The following IVNS1ABP variants were observed in gnomAD, a reference collection of about 807,000 sequenced individuals.
IVNS1ABP encodes influenza virus NS1A-binding protein.
In IVNS1ABP, 25 loss-of-function variants were observed where a neutral mutation model predicts 78.9. The observed-to-expected ratio is 0.32, with a 90% CI of 0.23 to 0.44. The LOEUF is 0.44. IVNS1ABP is among the 20% of genes least tolerant of loss of function. The pLI is 1.00. For synonymous variants in IVNS1ABP, 241 were observed against 259.7 expected, an observed-to-expected ratio of 0.93 and a Z score of 0.69; for missense variants, 494 against 768.9, an observed-to-expected ratio of 0.64 and a Z score of 4.23.
chr1:185,315,641 A>T (rs1317348140), intron 1 of IVNS1ABP, among the ~76,000 whole-genome samples: 2 of 152,230 alleles, frequency 1.3e-5, no homozygotes, highest in African/African-American at 4.8e-5. Context: ...GACTTAACAA[A>T]TACAACTACT....
At chr1:185,313,149 G>A (rs143467073) in intron 1 of IVNS1ABP, among the ~76,000 whole-genome samples, 1,972 of 152,232 alleles carry the variant, frequency 0.013, 61 homozygotes, top group Admixed American at 0.068. Flanking sequence ...GAAAAAAATG[G>A]TTAAAATTAC....
chr1:185,307,279 G>T, intron 6 of IVNS1ABP, 140 bp from the exon 7 acceptor site: 1 of 1,169,450 alleles, frequency 8.6e-7, no homozygotes, highest in Admixed American at 2.8e-5. Flanking sequence ...CCAGGAATTT[G>T]TAAGGAACCA....
chr1:185,303,837 A>T (rs967685999), intron 8 of IVNS1ABP, among the ~76,000 whole-genome samples: 1 of 152,130 alleles, frequency 6.6e-6, no homozygotes, highest in Non-Finnish European at 1.5e-5. Context: ...CAGTTGGGAT[A>T]TTCCAGCCCA....
intron 2 of IVNS1ABP, among the ~76,000 whole-genome samples, chr1:185,310,541 T>G (rs1665858743): frequency 6.6e-6 from 1 of 151,954 alleles, no homozygotes; most frequent in South Asian, 2.1e-4. Flanking sequence ...AGGCAAAGGT[T>G]GCAGTCAGCT....
chr1:185,310,887 A>C (rs1454426839), intron 2 of IVNS1ABP, among the ~76,000 whole-genome samples: 2 of 152,186 alleles, frequency 1.3e-5, no homozygotes, highest in Admixed American at 1.3e-4. Flanking sequence ...AAGGAAAAAA[A>C]AAAAGGCAGT....
Position 185,303,425 on chromosome 1 carries a change from A to G in IVNS1ABP, c.766-1862T>C, listed in dbSNP as rs777392918. ...TTCTTATTGTCCTCTGACTTTTCTAATGGCTTCTTCTCAACCTCCTTTTTC... is the reference window on the plus strand; with the variant it reads ...TTCTTATTGTCCTCTGACTTTTCTAGTGGCTTCTTCTCAACCTCCTTTTTC... On this transcript the variant is annotated intron_variant, in intron 8 of 14. Coordinates refer to ENST00000367498, the MANE Select transcript of IVNS1ABP (RefSeq NM_006469.5). 3.7e-4 allele frequency among the ~76,000 whole-genome samples: 57 copies of G among 152,080 alleles called. 1 individual carries two copies. The Middle Eastern group carries it at 0.01, about 27-fold the overall frequency.
At chr1:185,315,696 A>C (rs531843787) in intron 1 of IVNS1ABP, among the ~76,000 whole-genome samples, 123 of 152,348 alleles carry the variant, frequency 8.1e-4, no homozygotes, top group African/African-American at 2.8e-3. Flanking sequence ...CTTTAGCCTA[A>C]AAGTAATCAT....
At position 185,316,961 on chromosome 1, in the gene IVNS1ABP, T is replaced by A. The variant is rs1460066554; in HGVS notation, c.-255A>T. 9 of 398,414 alleles carry A rather than the reference T, an allele frequency of 2.3e-5. No homozygotes were observed. In the Admixed American group the frequency reaches 4.0e-4, roughly 18 times the overall value. 24.7% of individuals were successfully genotyped at this position (398,414 alleles called of 1,614,324 possible). On this transcript the variant is annotated 5_prime_UTR_variant, in exon 1 of 15. It removes an upstream start codon present in the reference 5' UTR. Transcript: ENST00000367498. ...GAACCAGCGCGTATTACCTGGTTCA[T>A]CTCTGAAGAGATGGAAACATTCATT...
intron 1 of IVNS1ABP, among the ~76,000 whole-genome samples, chr1:185,316,581 A>G (rs1290951318): frequency 6.6e-6 from 1 of 152,168 alleles, no homozygotes; most frequent in East Asian, 1.9e-4. Context: ...CCGGCGGGTC[A>G]TCCCCGCCCG....
intron 7 of IVNS1ABP, chr1:185,306,484 C>T (rs1665744363): frequency 7.8e-7 from 1 of 1,289,308 alleles, no homozygotes; most frequent in Non-Finnish European, 1.0e-6. Context: ...GGAGTAAACA[C>T]CATTAAATCA....
intron 1 of IVNS1ABP, among the ~76,000 whole-genome samples, chr1:185,316,402 C>T (rs866544877): frequency 2.6e-5 from 4 of 152,210 alleles, no homozygotes; most frequent in Non-Finnish European, 4.4e-5. Context: ...CCCCGCGGCC[C>T]ACGGCGATCG....
At chr1:185,303,647 A>G (rs1459217673) in intron 8 of IVNS1ABP, among the ~76,000 whole-genome samples, 1 of 152,266 alleles carries the variant, frequency 6.6e-6, no homozygotes, top group Admixed American at 6.5e-5. Flanking sequence ...ATAGACATAA[A>G]TAAAAAATCT....
At chr1:185,316,118 G>A (rs1206237718) in intron 1 of IVNS1ABP, among the ~76,000 whole-genome samples, 1 of 151,696 alleles carries the variant, frequency 6.6e-6, no homozygotes. Flanking sequence ...TTAACCAAAA[G>A]CGTGGAGGGA....
chr1:185,300,870 G>C, intron 10 of IVNS1ABP, 102 bp downstream of exon 10: 1 of 836,154 alleles, frequency 1.2e-6, no homozygotes, highest in South Asian at 1.6e-5. Flanking sequence ...TATCTTATTG[G>C]ATTGCCGTGA....
intron 1 of IVNS1ABP, among the ~76,000 whole-genome samples, chr1:185,314,200 A>T (rs1055744786): frequency 1.3e-5 from 2 of 152,236 alleles, no homozygotes; most frequent in African/African-American, 4.8e-5. Flanking sequence ...GTAACCTCTA[A>T]AACCACCATC....
intron 13 of IVNS1ABP, 42 bp from the exon 14 acceptor site, chr1:185,299,925 G>A: frequency 1.2e-6 from 2 of 1,611,262 alleles, no homozygotes; most frequent in Non-Finnish European, 1.7e-6. Flanking sequence ...ACATCTCCCA[G>A]ACTCTAAGTG....
rs1397318163 is a variant in IVNS1ABP at position 185,298,874 on chromosome 1, C to T, written c.1676-586G>A. ...CCCAGGGGTTCGAGACCAGCCTGGG[C>T]AACACAGTGAGACCATGTCTCAATT... On this transcript the variant is annotated intron_variant, in intron 14 of 14. Coordinates refer to ENST00000367498, the MANE Select transcript of IVNS1ABP (RefSeq NM_006469.5). This position sits in a 1 kb window ranked among gnomAD's most constrained non-coding sequence, Gnocchi z 4.1. The T allele has an allele frequency of 6.6e-6, 1 of 152,312 alleles. No individual in the cohort carries two copies. The highest frequency in any genetic ancestry group is 1.5e-5 in the Non-Finnish European group (1 of 68,300). 9.4% of individuals were successfully genotyped at this position (152,312 alleles called of 1,614,324 possible).
At chr1:185,306,715 T>A (rs371348707) in intron 7 of IVNS1ABP, 1 of 1,047,546 alleles carries the variant, frequency 9.5e-7, no homozygotes, top group Non-Finnish European at 1.2e-6. Flanking sequence ...GAAGAAAAAT[T>A]AAGAATCTAC....
chr1:185,305,825 A>G lies in IVNS1ABP; in HGVS notation c.658-182T>C. ...GTCATGGTGGTAAAAATTAAAAAACAAAAACAAAAAACCAAAATCAAATAC... is the reference window on the plus strand; with the variant it reads ...GTCATGGTGGTAAAAATTAAAAAACGAAAACAAAAAACCAAAATCAAATAC... On this transcript the variant is annotated intron_variant, in intron 7 of 14. Coordinates refer to ENST00000367498, the MANE Select transcript of IVNS1ABP (RefSeq NM_006469.5). The surrounding 1 kb of genome is among the most constrained non-coding windows in gnomAD (Gnocchi z 4.0). The G allele has an allele frequency of 3.3e-6, 2 of 600,986 alleles. No individual in the cohort carries two copies. Among genetic ancestry groups the G allele is most frequent in the Non-Finnish European group, 5.4e-6 (2 of 368,332 alleles). 37.2% of individuals were successfully genotyped at this position (600,986 alleles called of 1,614,324 possible). A position where few individuals can be genotyped will look rare whatever the true frequency, so the allele number is the denominator to read the frequency against.
Sources: gnomAD v4.1 joint callset for allele counts (sites outside exome capture counted in the v4.1 genomes callset) on GRCh38, gnomAD v4.1.1 for gene constraint, Gnocchi (gnomAD v3.1) non-coding constraint, MANE v1.5 for transcripts, NCBI Gene and HGNC (gene_info 2026-07-23, HGNC 2026-07-21) for gene names.